SLIT2: variants seen among roughly 807,000 people sequenced by gnomAD.
SLIT2 encodes slit homolog 2 protein.
In SLIT2, 41 loss-of-function variants were observed where a neutral mutation model predicts 185.7. The observed-to-expected ratio is 0.22, with a 90% CI of 0.17 to 0.29. SLIT2 has a LOEUF of 0.29. Among genes scored for constraint, SLIT2 ranks in the 10% least tolerant of loss-of-function variants. SLIT2 has a pLI of 1.00. For missense variants in SLIT2, 1,571 were observed against 1,909.0 expected (o/e 0.82, Z 3.30); for synonymous variants, 693 against 680.2 (o/e 1.02, Z -0.29).
chr4:20,617,732 T>TTA, intron 36 of SLIT2, 82 bp downstream of exon 36: 6 of 467,722 alleles, frequency 1.3e-5, no homozygotes, highest in Middle Eastern at 5.9e-4. Context: ...GGAGAAAAAG[T>TTA]GAAAAAAAAA....
chr4:20,368,892 T>C (rs900995929), intron 4 of SLIT2, among the ~76,000 whole-genome samples: 1 of 152,108 alleles, frequency 6.6e-6, no homozygotes, highest in African/African-American at 2.4e-5. Flanking sequence ...TATTTACATA[T>C]CACACTCAGA....
At chr4:20,255,017 G>A (rs1301806227) in intron 1 of SLIT2, 3 of 456,302 alleles carry the variant, frequency 6.6e-6, no homozygotes, top group South Asian at 4.6e-5. Flanking sequence ...GTGGAGCATG[G>A]AGGCCGTTCT....
chr4:20,340,324 A>G (rs1042382564), intron 4 of SLIT2, among the ~76,000 whole-genome samples: 1 of 152,150 alleles, frequency 6.6e-6, no homozygotes, highest in African/African-American at 2.4e-5. Flanking sequence ...GAAGAGAAGG[A>G]GAAATAATAA....
chr4:20,349,307 A>T (rs1008226743), intron 4 of SLIT2, among the ~76,000 whole-genome samples: 1 of 152,208 alleles, frequency 6.6e-6, no homozygotes, highest in East Asian at 1.9e-4. Flanking sequence ...GAAGAAAATT[A>T]ATATTTTTGT....
intron 25 of SLIT2, among the ~76,000 whole-genome samples, chr4:20,551,261 G>A (rs1049885384): frequency 6.6e-6 from 1 of 152,076 alleles, no homozygotes; most frequent in Admixed American, 6.6e-5. Context: ...CACATCTCAA[G>A]TATCACCTTC....
At position 20,618,996 on chromosome 4, in the gene SLIT2, G is replaced by C. The variant is rs374092950; in HGVS notation, c.4577G>C (p.Arg1526Thr). ...AAAGTGGTGAAGTGCGGCTGTACGAGGTGTGTGTCCTAAACACACTCCCGG... is the reference window on the plus strand; with the variant it reads ...AAAGTGGTGAAGTGCGGCTGTACGACGTGTGTGTCCTAAACACACTCCCGG... ...VEKVVKCGCT[R>T]CVS The change falls in exon 37 of 37, where the codon AGG becomes ACG. Residue 1526 changes from arginine (R) to threonine (T), a missense_variant. By Grantham distance (71) the Arg-to-Thr change is moderately conservative. Coordinates refer to ENST00000504154, the MANE Select transcript of SLIT2 (RefSeq NM_004787.4). 20 of 1,613,686 alleles carry C rather than the reference G, an allele frequency of 1.2e-5. No individual in the cohort carries two copies. Among genetic ancestry groups the C allele is most frequent in the Non-Finnish European group, 1.7e-5 (20 of 1,179,688 alleles).
intron 28 of SLIT2, among the ~76,000 whole-genome samples, chr4:20,568,274 CTT>C (rs1725270550): frequency 6.6e-6 from 1 of 152,076 alleles, no homozygotes; most frequent in African/African-American, 2.4e-5. Flanking sequence ...GAAGTTCTCT[CTT>C]ATTCATCTAG....
Position 20,443,649 on chromosome 4 carries a change from T to A in SLIT2, c.396-24103T>A, listed in dbSNP as rs1729942813. 2.9e-5 allele frequency among the ~76,000 whole-genome samples: 4 copies of A among 138,572 alleles called. No homozygotes were observed. In the South Asian group the frequency reaches 8.9e-4, roughly 31 times the overall value. 90.9% of individuals were successfully genotyped at this position (138,572 alleles called of 152,430 possible). A position where few individuals can be genotyped will look rare whatever the true frequency, so the allele number is the denominator to read the frequency against. ...TAGACCAGGAATGGCTTTATAACAA[T>A]GATTACCTTGTATGGATTGAACACT... On this transcript the variant is annotated intron_variant, in intron 4 of 36. Coordinates refer to ENST00000504154, the MANE Select transcript of SLIT2 (RefSeq NM_004787.4).
chr4:20,475,187 T>C (rs185826339), intron 5 of SLIT2, among the ~76,000 whole-genome samples: 9 of 152,248 alleles, frequency 5.9e-5, no homozygotes, highest in Admixed American at 1.3e-4. Context: ...GTTGCAGATA[T>C]TCACTGTGAA....
chr4:20,378,098 ATAAAT>A (rs1577534252), intron 4 of SLIT2, among the ~76,000 whole-genome samples: 1 of 152,018 alleles, frequency 6.6e-6, no homozygotes, highest in South Asian at 2.1e-4. Context: ...TAATTTACAA[ATAAAT>A]TAATTATGAT....
At position 20,369,730 on chromosome 4, in the gene SLIT2, T is replaced by C. The variant is rs1230721085; in HGVS notation, c.396-98022T>C. On this transcript the variant is annotated intron_variant, in intron 4 of 36. Transcript: ENST00000504154. ...CCTCTCCTATGTCACTGCTTTGGCA[T>C]CATGCTGTATATAAAAAGGTAGCAG... is the stretch of plus-strand genomic sequence containing the variant. 2.6e-5 allele frequency among the ~76,000 whole-genome samples: 4 copies of C among 152,074 alleles called. 1 individual carries two copies. Among genetic ancestry groups the C allele is most frequent in the African/African-American group, 9.7e-5 (4 of 41,442 alleles).
chr4:20,612,845 T>C (rs1729331965), intron 34 of SLIT2, among the ~76,000 whole-genome samples: 1 of 144,780 alleles, frequency 6.9e-6, no homozygotes, highest in African/African-American at 2.6e-5. Context: ...ATGAACCCAG[T>C]AGGTGGAGCT....
chr4:20,343,192 A>C (rs980353630), intron 4 of SLIT2, among the ~76,000 whole-genome samples: 1 of 152,098 alleles, frequency 6.6e-6, no homozygotes, highest in Non-Finnish European at 1.5e-5. Flanking sequence ...GTACCCATTA[A>C]CCAGCCTCTC....
chr4:20,564,060 A>AG (rs1224557451), intron 26 of SLIT2, among the ~76,000 whole-genome samples: 1 of 151,876 alleles, frequency 6.6e-6, no homozygotes, highest in Non-Finnish European at 1.5e-5. Flanking sequence ...TTGCTCGTGG[A>AG]GAGGTGTGCT....
intron 4 of SLIT2, among the ~76,000 whole-genome samples, chr4:20,425,510 C>T (rs544266342): frequency 9.9e-5 from 15 of 152,108 alleles, no homozygotes; most frequent in East Asian, 1.9e-4. Context: ...AGTTTATACA[C>T]GTGTGTGGTG....
At chr4:20,447,886 T>C (rs1711998056) in intron 4 of SLIT2, among the ~76,000 whole-genome samples, 1 of 152,212 alleles carries the variant, frequency 6.6e-6, no homozygotes, top group South Asian at 2.1e-4. Flanking sequence ...ACTTTACTCA[T>C]TGGATATTTG....
At chr4:20,442,902 G>T (rs940838605) in intron 4 of SLIT2, among the ~76,000 whole-genome samples, 1 of 152,144 alleles carries the variant, frequency 6.6e-6, no homozygotes, top group African/African-American at 2.4e-5. Context: ...TGAGGAAGAT[G>T]ACTAAGTAAA....
At chr4:20,458,524 T>G (rs1713341681) in intron 4 of SLIT2, among the ~76,000 whole-genome samples, 1 of 152,200 alleles carries the variant, frequency 6.6e-6, no homozygotes, top group Admixed American at 6.5e-5. Context: ...TGCCTAATAT[T>G]TCTGGAGTGG....
At chr4:20,341,586 A>G (rs1720966661) in intron 4 of SLIT2, among the ~76,000 whole-genome samples, 1 of 152,210 alleles carries the variant, frequency 6.6e-6, no homozygotes, top group African/African-American at 2.4e-5. Context: ...GTGGAACACC[A>G]CTGAGTCTGA....
Sources: gnomAD v4.1 joint callset for allele counts (sites outside exome capture counted in the v4.1 genomes callset) on GRCh38, gnomAD v4.1.1 for gene constraint, MANE v1.5 for transcripts, NCBI Gene and HGNC (gene_info 2026-07-23, HGNC 2026-07-21) for gene names.